The following CNTNAP2 variants were observed in gnomAD, a reference collection of about 807,000 sequenced individuals.
CNTNAP2 encodes the protein contactin associated protein 2.
Under a neutral mutation model 155.2 loss-of-function variants are expected in CNTNAP2, and 98 were observed. That is an observed-to-expected ratio of 0.63 (90% confidence interval 0.54 to 0.75). The LOEUF (loss-of-function observed/expected upper bound fraction) is 0.75, where lower values mean the gene tolerates loss of function less well. CNTNAP2 is among the 30% of genes least tolerant of loss of function. The probability of loss-of-function intolerance (pLI) is 0.00; values close to 1 mark genes in which losing one functional copy is unlikely to be tolerated. For synonymous variants in CNTNAP2, 651 were observed against 631.2 expected, an observed-to-expected ratio of 1.03 and a Z score of -0.47; for missense variants, 1,727 against 1,688.1, an observed-to-expected ratio of 1.02 and a Z score of -0.40.
In CNTNAP2 at chr7:148,207,469, CA is replaced by C. The variant is rs1434959501; in HGVS notation, c.3011-9818del. 2.0e-5 allele frequency among the ~76,000 whole-genome samples: 3 copies of C among 152,222 alleles called. No individual in the cohort carries two copies. The East Asian group carries it at 5.8e-4, about 29-fold the overall frequency. On this transcript the variant is annotated intron_variant, in intron 18 of 23. Coordinates refer to ENST00000361727, the MANE Select transcript of CNTNAP2 (RefSeq NM_014141.6). ...GAGCACCTCGCACTGCGCTGGCACACAGATGCCTCTCAGTCAAGCATTTTAG... is the reference window on the plus strand; with the variant it reads ...GAGCACCTCGCACTGCGCTGGCACACGATGCCTCTCAGTCAAGCATTTTAG...
intron 1 of CNTNAP2, among the ~76,000 whole-genome samples, chr7:146,635,019 T>A (rs1799574571): frequency 6.6e-6 from 1 of 152,132 alleles, no homozygotes; most frequent in Admixed American, 6.5e-5. Context: ...GTCATGTATT[T>A]TCTGTAAGAA....
In CNTNAP2 at chr7:147,132,256, C is replaced by G. The variant is rs901463412; in HGVS notation, c.1095C>G (p.Ser365Arg). 6.2e-7 allele frequency: 1 copy of G among 1,613,594 alleles called. No individual in the cohort carries two copies. The highest frequency in any genetic ancestry group is 1.3e-5 in the African/African-American group (1 of 74,982). The change falls in exon 8 of 24, where the codon AGC (serine) becomes AGG (arginine). Residue 365 changes from serine to arginine, a missense_variant. Coordinates refer to ENST00000361727, the MANE Select transcript of CNTNAP2 (RefSeq NM_014141.6). ...KLEPSNVGNL[S>R]FSCVEPYTVP... ...TTTCTATTTTACAGGGAAATTTGAG[C>G]TTTTCTTGTGTGGAACCCTATACGG...
chr7:146,816,520 C>T (rs942517784), intron 2 of CNTNAP2, among the ~76,000 whole-genome samples: 2 of 152,134 alleles, frequency 1.3e-5, no homozygotes, highest in African/African-American at 4.8e-5. Flanking sequence ...TGGGCACACA[C>T]TGTAAAATGT....
At chr7:147,091,403 A>C (rs1045319528) in intron 4 of CNTNAP2, among the ~76,000 whole-genome samples, 6 of 152,094 alleles carry the variant, frequency 3.9e-5, no homozygotes, top group Non-Finnish European at 7.3e-5. Context: ...GAATGAAGGC[A>C]TGTGCTATGA....
intron 9 of CNTNAP2, among the ~76,000 whole-genome samples, chr7:147,319,604 C>T (rs1317721390): frequency 6.6e-6 from 1 of 152,114 alleles, no homozygotes; most frequent in Admixed American, 6.6e-5. Flanking sequence ...TTTAGAACTC[C>T]TGAGCTTAGG....
rs1584942498 is a variant in CNTNAP2 at position 146,475,492 on chromosome 7, A to G, written c.98-298779A>G. On this transcript the variant is annotated intron_variant, in intron 1 of 23. Coordinates refer to ENST00000361727, the MANE Select transcript of CNTNAP2 (RefSeq NM_014141.6). ...ATAGAGTGCAGAGGCCTTTAGGATC[A>G]GTCTGTGTTAACTATTAGTTTTCGG... is the stretch of plus-strand genomic sequence containing the variant. 2.6e-5 allele frequency among the ~76,000 whole-genome samples: 4 copies of G among 152,344 alleles called. 1 individual carries two copies. In the East Asian group the frequency reaches 7.7e-4, roughly 29 times the overall value.
At chr7:148,014,155 G>A (rs761739486) in intron 15 of CNTNAP2, 1 of 151,646 alleles carries the variant, frequency 6.6e-6, no homozygotes, top group Non-Finnish European at 1.5e-5. Flanking sequence ...TACAAACATC[G>A]AGTTGACAAA....
chr7:147,633,471 GC>G (rs1795123861), intron 12 of CNTNAP2, among the ~76,000 whole-genome samples: 1 of 152,180 alleles, frequency 6.6e-6, no homozygotes, highest in Non-Finnish European at 1.5e-5. Flanking sequence ...GCTGGAATAA[GC>G]TAAGACTTTG....
intron 1 of CNTNAP2, among the ~76,000 whole-genome samples, chr7:146,136,960 C>G (rs929668424): frequency 1.3e-5 from 2 of 152,142 alleles, no homozygotes; most frequent in East Asian, 3.9e-4. Context: ...TTAAAATGCT[C>G]TGCATGGCTA....
rs148890994 is a variant in CNTNAP2 at position 147,606,566 on chromosome 7, C to T, written c.1898-32540C>T. On this transcript the variant is annotated intron_variant, in intron 12 of 23. Coordinates refer to ENST00000361727, the MANE Select transcript of CNTNAP2 (RefSeq NM_014141.6). ...TCTTAATTTTATTTCATTAACTCAG[C>T]AAGTATTTATTGACCACTAGAGTAC... Among the ~76,000 whole-genome samples the T allele has an allele frequency of 3.6e-3, 543 of 152,256 alleles. 4 individuals carry two copies. The highest frequency in any genetic ancestry group is 0.012 in the African/African-American group (497 of 41,544).
At chr7:146,222,387 T>C (rs891136229) in intron 1 of CNTNAP2, among the ~76,000 whole-genome samples, 1 of 152,122 alleles carries the variant, frequency 6.6e-6, no homozygotes, top group Non-Finnish European at 1.5e-5. Flanking sequence ...AATAATTGCT[T>C]GAGCAAAATT....
At chr7:147,322,386 T>C (rs1477988929) in intron 9 of CNTNAP2, among the ~76,000 whole-genome samples, 1 of 152,236 alleles carries the variant, frequency 6.6e-6, no homozygotes, top group Non-Finnish European at 1.5e-5. Flanking sequence ...TCTGTGAATT[T>C]GATTATAGTT....
rs529432764 is a variant in CNTNAP2 at position 146,299,220 on chromosome 7, G to A, written c.97+182247G>A. ...CAGGAGGTGGAGGTTGCAGTGAGCC[G>A]AGATCATGCCACTGCACTCCAGCCT... On this transcript the variant is annotated intron_variant, in intron 1 of 23. Transcript: ENST00000361727. 1.3e-4 allele frequency among the ~76,000 whole-genome samples: 20 copies of A among 152,142 alleles called. No homozygotes were observed. The East Asian group carries it at 3.3e-3, about 25-fold the overall frequency.
At chr7:147,296,367 G>A (rs1055028795) in intron 8 of CNTNAP2, among the ~76,000 whole-genome samples, 7 of 152,154 alleles carry the variant, frequency 4.6e-5, no homozygotes, top group African/African-American at 1.7e-4. Context: ...ATACCCAAAG[G>A]GACCCACTTG....
At chr7:146,431,980 T>C (rs1451069730) in intron 1 of CNTNAP2, among the ~76,000 whole-genome samples, 1 of 152,098 alleles carries the variant, frequency 6.6e-6, no homozygotes, top group Non-Finnish European at 1.5e-5. Context: ...AAATGCTCAA[T>C]CATTAAAGGT....
chr7:148,369,446 T>C (rs577518892), intron 21 of CNTNAP2, among the ~76,000 whole-genome samples: 1 of 151,714 alleles, frequency 6.6e-6, no homozygotes, highest in Non-Finnish European at 1.5e-5. Context: ...GGTTTCGCCA[T>C]GTTGGCCAGG....
chr7:147,206,796 T>C (rs1488182698), intron 8 of CNTNAP2, among the ~76,000 whole-genome samples: 1 of 152,106 alleles, frequency 6.6e-6, no homozygotes, highest in East Asian at 1.9e-4. Flanking sequence ...AGGACTTAAC[T>C]TAGATGGTTT....
rs76031124 is a variant in CNTNAP2 at position 146,337,311 on chromosome 7, A to C, written c.97+220338A>C. Among the ~76,000 whole-genome samples, 998 of 152,184 alleles carry C rather than the reference A, an allele frequency of 6.6e-3. 10 individuals carry two copies. The highest frequency in any genetic ancestry group is 0.014 in the Middle Eastern group (4 of 294). ...GAGGTTGTTCTAACATAAAAAAAAA[A>C]AAACAAACTACGTAAAGAGTGTTTT... On this transcript the variant is annotated intron_variant, in intron 1 of 23. Transcript: ENST00000361727.
At chr7:147,921,333 T>C (rs1004803804) in intron 14 of CNTNAP2, among the ~76,000 whole-genome samples, 7 of 152,206 alleles carry the variant, frequency 4.6e-5, no homozygotes, top group Admixed American at 2.6e-4. Flanking sequence ...ATGATCCAGA[T>C]AACCTCTTCT....
Sources: allele counts gnomAD v4.1 joint callset (sites outside exome capture counted in the v4.1 genomes callset), GRCh38; gene constraint gnomAD v4.1.1; transcripts MANE v1.5; gene names NCBI Gene and HGNC (gene_info 2026-07-23, HGNC 2026-07-21).